Variants in GRK1 observed in about 807,000 individuals in gnomAD.
GRK1 encodes the protein rhodopsin kinase GRK1.
Under a neutral mutation model 41.7 loss-of-function variants are expected in GRK1, and 28 were observed. The ratio of observed to expected loss-of-function variants is 0.67; its 90% CI spans 0.50 to 0.92. GRK1 has a LOEUF of 0.92. GRK1 is among the 40% of genes least tolerant of loss of function. GRK1 has a pLI of 0.00. For synonymous variants in GRK1, 327 were observed against 286.7 expected (o/e 1.14, Z -1.42); for missense variants, 703 against 671.2 (o/e 1.05, Z -0.52).
At chr13:113,665,783 C>G (rs1192451385), upstream of GRK1, among the ~76,000 whole-genome samples, 2 of 136,260 alleles carry the variant, frequency 1.5e-5, no homozygotes, top group Admixed American at 1.5e-4. Flanking sequence ...CAGGTGTGCC[C>G]CAGGTGTGTC....
chr13:113,653,259 CCCGCCG>C, the GRK1 span: 19 of 1,525,572 alleles, frequency 1.2e-5, no homozygotes, highest in Non-Finnish European at 1.4e-5. Flanking sequence ...ACCTCACCCA[CCCGCCG>C]CTTCACACCT....
At chr13:113,649,848 T>A in the GRK1 span, among the ~76,000 whole-genome samples, 316 of 152,124 alleles carry the variant, frequency 2.1e-3, no homozygotes, top group Middle Eastern at 0.024. This position sits in a 1 kb window ranked among gnomAD's most constrained non-coding sequence, Gnocchi z 4.7. Flanking sequence ...GGATATGCAG[T>A]TGTTTTAGAG....
chr13:113,735,043 CGTCTGTGTTTTCTGT>C lies in GRK1; in HGVS notation c.1397-24_1397-10del. On this transcript the variant is annotated splice_polypyrimidine_tract_variant and intron_variant, in intron 6 of 6. Transcript: ENST00000335678. ...TTCCTTCCCACCACGAGGAGCCTGG[CGTCTGTGTTTTCTGT>C]CTCCCACAGGGATGCTGATGCCCCC... 1 of 1,470,078 alleles carries C rather than the reference CGTCTGTGTTTTCTGT, an allele frequency of 6.8e-7. No individual in the cohort carries two copies. Among genetic ancestry groups the C allele is most frequent in the Non-Finnish European group, 9.0e-7 (1 of 1,109,974 alleles). The allele number at this position is 1,470,078 out of a possible 1,614,324, so 91.1% of individuals were successfully genotyped here.
chr13:113,669,310 G>T (rs1426168365), intron 1 of GRK1, among the ~76,000 whole-genome samples: 1 of 152,248 alleles, frequency 6.6e-6, no homozygotes, highest in Non-Finnish European at 1.5e-5. Flanking sequence ...GGGAGGTGCT[G>T]GTCTGGGAGC....
Position 113,731,500 on chromosome 13 carries a change from C to T in GRK1, c.1194+157C>T, listed in dbSNP as rs989951944. 3.1e-6 allele frequency: 2 copies of T among 650,214 alleles called. No individual in the cohort carries two copies. The highest frequency in any genetic ancestry group is 6.8e-5 in the South Asian group (1 of 14,682). 40.3% of individuals were successfully genotyped at this position (650,214 alleles called of 1,614,324 possible). ...CAGATTCACGTGCTGGGGTCTTGCTCCTGGGCCATGCTGTTCTGTCTCAGT... is the reference window on the plus strand; with the variant it reads ...CAGATTCACGTGCTGGGGTCTTGCTTCTGGGCCATGCTGTTCTGTCTCAGT... On this transcript the variant is annotated intron_variant, in intron 5 of 6. Transcript: ENST00000335678. The surrounding 1 kb of genome is among the most constrained non-coding windows in gnomAD (Gnocchi z 5.6).
chr13:113,727,461 G>T (rs1354676722), intron 4 of GRK1, among the ~76,000 whole-genome samples: 3 of 152,116 alleles, frequency 2.0e-5, no homozygotes, highest in Non-Finnish European at 2.9e-5. Flanking sequence ...ACAGCAGCCT[G>T]TGGACTGTGG....
In GRK1 at chr13:113,731,292, C is replaced by T. The variant is rs1192631555; in HGVS notation, c.1143C>T (p.Thr381=). The T allele has an allele frequency of 1.8e-5, 28 of 1,536,930 alleles. No individual in the cohort carries two copies. Among genetic ancestry groups the T allele is most frequent in the African/African-American group, 4.1e-5 (3 of 72,992 alleles). The change falls in exon 5 of 7, where the codon ACC becomes ACT. Residue 381 remains threonine, a synonymous_variant. Transcript: ENST00000335678. The surrounding 1 kb of genome is among the most constrained non-coding windows in gnomAD (Gnocchi z 5.6). ...TGGACTACTTTGCCCTGGGGGTCACCCTGTATGAGATGATTGCGGCCAGAG... is the reference window on the plus strand; with the variant it reads ...TGGACTACTTTGCCCTGGGGGTCACTCTGTATGAGATGATTGCGGCCAGAG... ...FSVDYFALGV[T]LYEMIAARGP...
At chr13:113,657,991 G>A in the GRK1 span, 579 of 1,499,542 alleles carry the variant, frequency 3.9e-4, 1 homozygote, top group African/African-American at 5.2e-3. Flanking sequence ...TCCTCAGAGC[G>A]GCCCCCTCCA....
the GRK1 span, among the ~76,000 whole-genome samples, chr13:113,655,716 G>A: frequency 1.9e-3 from 297 of 152,316 alleles, 2 homozygotes; most frequent in African/African-American, 6.8e-3. Flanking sequence ...TGTTTGCTAC[G>A]GCTTTTGTCT....
chr13:113,731,936 G>A lies in GRK1; in HGVS notation c.1194+593G>A, dbSNP rs994225407. 3.3e-5 allele frequency among the ~76,000 whole-genome samples: 5 copies of A among 152,180 alleles called. No homozygotes were observed. The highest frequency in any genetic ancestry group is 5.9e-5 in the Non-Finnish European group (4 of 68,018). ...GCCCAGCAGCTGCTCTGAATGTCCCGGAGTGTGGACACCTAGTGGGGCTGC... is the reference window on the plus strand; with the variant it reads ...GCCCAGCAGCTGCTCTGAATGTCCCAGAGTGTGGACACCTAGTGGGGCTGC... On this transcript the variant is annotated intron_variant, in intron 5 of 6. Transcript: ENST00000335678. The surrounding 1 kb of genome is among the most constrained non-coding windows in gnomAD (Gnocchi z 5.6).
chr13:113,654,296 G>A, the GRK1 span, among the ~76,000 whole-genome samples: 130 of 152,334 alleles, frequency 8.5e-4, no homozygotes, highest in Admixed American at 8.0e-3. Context: ...TCTGCACACC[G>A]ATGGGGACGT....
In GRK1 at chr13:113,667,386, G is replaced by A; in HGVS notation, c.-1G>A. The A allele has an allele frequency of 6.4e-7, 1 of 1,560,116 alleles. No individual in the cohort carries two copies. Among genetic ancestry groups the A allele is most frequent in the East Asian group, 2.3e-5 (1 of 43,588 alleles). On this transcript the variant is annotated 5_prime_UTR_variant, in exon 1 of 7. Transcript: ENST00000335678. This position sits in a 1 kb window ranked among gnomAD's most constrained non-coding sequence, Gnocchi z 7.5. ...GCCTGAAGCGGGCAGGAAGCTCCGG[G>A]ATGGATTTCGGGTCTTTGGAGACCG...
At position 113,731,326 on chromosome 13, in the gene GRK1, C is replaced by T. The variant is rs137877289; in HGVS notation, c.1177C>T (p.Arg393Ter). The change falls in exon 5 of 7, where the codon CGA becomes TGA. Residue 393 changes from arginine to a stop codon, truncating the protein, a stop_gained. Transcript: ENST00000335678. LOFTEE classifies it high-confidence loss of function. The surrounding 1 kb of genome is among the most constrained non-coding windows in gnomAD (Gnocchi z 5.6). ...GATGATTGCGGCCAGAGGACCCTTC[C>T]GAGCCCGTGGAGAGAAGGTAGGAGG... The part of the protein sequence containing the change: ...YEMIAARGPF[R>*]ARGEKVENKE... The T allele has an allele frequency of 1.8e-5, 28 of 1,536,968 alleles. No homozygotes were observed. Among genetic ancestry groups the T allele is most frequent in the Middle Eastern group, 1.7e-4 (1 of 5,988 alleles).
At chr13:113,733,597 A>ACACG (rs2049956865) in intron 6 of GRK1, among the ~76,000 whole-genome samples, 3 of 134,682 alleles carry the variant, frequency 2.2e-5, no homozygotes, top group African/African-American at 8.7e-5. Context: ...GTGTGTGTGC[A>ACACG]TGTGTGCGCA....
chr13:113,733,814 CGT>C (rs557224665), intron 6 of GRK1, among the ~76,000 whole-genome samples: 70 of 88,790 alleles, frequency 7.9e-4, no homozygotes, highest in Admixed American at 5.3e-3. Context: ...TGTGTGCATA[CGT>C]GTGTGCGTGT....
chr13:113,654,227 C>T, the GRK1 span, among the ~76,000 whole-genome samples: 3 of 152,160 alleles, frequency 2.0e-5, no homozygotes, highest in Admixed American at 1.3e-4. Flanking sequence ...AAAATCTATA[C>T]GTGGTTTAAA....
the GRK1 span, chr13:113,651,657 G>A: frequency 2.3e-5 from 37 of 1,599,114 alleles, no homozygotes; most frequent in African/African-American, 1.6e-4. Flanking sequence ...TGCCCGCCGC[G>A]CGGCCGTACT....
rs1192493774 is a variant in GRK1, at chr13:113,733,779, GTGTGTGCA to G, written c.1396+701_1396+708del. On this transcript the variant is annotated intron_variant, in intron 6 of 6. Transcript: ENST00000335678. ...TGTGCGTGTGTATGTGTGTGCATAC[GTGTGTGCA>G]TGTGTGTATGTGTATCTGTGTGCAT... Among the ~76,000 whole-genome samples, 877 of 108,430 alleles carry G rather than the reference GTGTGTGCA, an allele frequency of 8.1e-3. 33 individuals carry two copies. Among genetic ancestry groups the G allele is most frequent in the African/African-American group, 0.04 (792 of 19,750 alleles). 71.1% of individuals were successfully genotyped at this position (108,430 alleles called of 152,430 possible).
chr13:113,657,749 G>A, the GRK1 span, among the ~76,000 whole-genome samples: 1 of 152,252 alleles, frequency 6.6e-6, no homozygotes, highest in Non-Finnish European at 1.5e-5. Flanking sequence ...TTAAAATGCT[G>A]TTCTCAGACA....
Sources: allele counts gnomAD v4.1 joint callset (sites outside exome capture counted in the v4.1 genomes callset), GRCh38; gene constraint gnomAD v4.1.1; non-coding constraint Gnocchi (gnomAD v3.1); transcripts MANE v1.5; gene names NCBI Gene and HGNC (gene_info 2026-07-23, HGNC 2026-07-21).